The following NRXN2 variants were observed in gnomAD, a reference collection of about 807,000 sequenced individuals.
The protein encoded by NRXN2 is neurexin 2, also known as neurexin-2-beta.
Under a neutral mutation model 128.8 loss-of-function variants are expected in NRXN2, and 29 were observed. The ratio of observed to expected loss-of-function variants is 0.23; its 90% CI spans 0.17 to 0.31. The LOEUF (loss-of-function observed/expected upper bound fraction) is 0.31, where lower values mean the gene tolerates loss of function less well. Among genes scored for constraint, NRXN2 ranks in the 10% least tolerant of loss-of-function variants. The pLI, the probability that NRXN2 is intolerant of heterozygous loss-of-function variation, is 1.00. For missense variants in NRXN2, 1,881 were observed against 2,452.6 expected (o/e 0.77, Z 4.92); for synonymous variants, 1,098 against 1,075.2 (o/e 1.02, Z -0.41).
intron 7 of NRXN2, among the ~76,000 whole-genome samples, chr11:64,671,263 T>C (rs2050591219): frequency 6.6e-6 from 1 of 151,304 alleles, no homozygotes; most frequent in South Asian, 2.1e-4. Context: ...TAGAGGGAGA[T>C]AGTGGGGACG....
rs377351456 is a variant in NRXN2 at position 64,682,588 on chromosome 11, G to A, written c.1152+3058C>T. ...AGCTCCTGAAAGCCTCTGCACCAATGAGAGCAGTTATCCAAGCTGGGCAGG... is the reference window on the plus strand; with the variant it reads ...AGCTCCTGAAAGCCTCTGCACCAATAAGAGCAGTTATCCAAGCTGGGCAGG... On this transcript the variant is annotated intron_variant, in intron 6 of 22. Transcript: ENST00000265459. Among the ~76,000 whole-genome samples the A allele has an allele frequency of 2.0e-5, 3 of 152,248 alleles. No individual in the cohort carries two copies. In the East Asian group the frequency reaches 5.8e-4, roughly 29 times the overall value.
chr11:64,697,269 T>C (rs1216167030), intron 3 of NRXN2, among the ~76,000 whole-genome samples: 1 of 151,992 alleles, frequency 6.6e-6, no homozygotes, highest in Non-Finnish European at 1.5e-5. Context: ...TCCAACCCCC[T>C]ACTCTGCCAG....
Position 64,607,888 on chromosome 11 carries a change from C to T in NRXN2, c.4447G>A (p.Asp1483Asn), listed in dbSNP as rs2039922227. ...TCGATGGGCTCCTCGCAGTCGCTGT[C>T]GTCCCGCTCGGCCTGGCACGGGCCC... ...SGGPCQAERDDSDCEEPIEAS... is the reference protein window; with the variant it reads ...SGGPCQAERDNSDCEEPIEAS... The change falls in exon 23 of 23, where the codon GAC (aspartate) becomes AAC (asparagine). Residue 1483 changes from aspartate (D) to asparagine (N), a missense_variant. This residue lies in a region of NRXN2 where 310 missense variants were observed against 318.2 expected (regional missense o/e 0.97). Transcript: ENST00000265459. The T allele has an allele frequency of 1.9e-6, 3 of 1,576,486 alleles. No individual in the cohort carries two copies. The highest frequency in any genetic ancestry group is 2.3e-5 in the East Asian group (1 of 42,686).
intron 17 of NRXN2, among the ~76,000 whole-genome samples, chr11:64,642,361 T>C (rs2045819049): frequency 7.0e-6 from 1 of 142,992 alleles, no homozygotes; most frequent in African/African-American, 2.6e-5. Flanking sequence ...GAGGCAAGGG[T>C]GGGGCTGAGA....
At chr11:64,688,561 T>C in intron 5 of NRXN2, 1 of 985,262 alleles carries the variant, frequency 1.0e-6, no homozygotes, top group Non-Finnish European at 1.2e-6. Flanking sequence ...GAACAAGCCC[T>C]GAAGCACCAG....
intron 2 of NRXN2, among the ~76,000 whole-genome samples, chr11:64,712,359 T>C (rs1412340251): frequency 8.9e-6 from 1 of 112,316 alleles, no homozygotes; most frequent in Admixed American, 9.0e-5. Context: ...GAGGTCCTGC[T>C]CCCTGTTTCA....
intron 18 of NRXN2, among the ~76,000 whole-genome samples, chr11:64,634,264 A>G (rs564959263): frequency 7.2e-5 from 11 of 152,290 alleles, no homozygotes; most frequent in Non-Finnish European, 1.5e-4. Context: ...GCAGGGAAAC[A>G]AGGTGGCTGT....
At chr11:64,620,221 G>A in intron 22 of NRXN2, 73 bp downstream of exon 22, 1 of 1,232,570 alleles carries the variant, frequency 8.1e-7, no homozygotes, top group South Asian at 1.3e-5. Flanking sequence ...GGGCCAGGTG[G>A]CAGGGACAGT....
chr11:64,661,733 G>A (rs1251725137), intron 9 of NRXN2, among the ~76,000 whole-genome samples: 1 of 152,188 alleles, frequency 6.6e-6, no homozygotes, highest in African/African-American at 2.4e-5. Flanking sequence ...GAGGCTTGCA[G>A]AGACTGGGGA....
At chr11:64,705,380 G>C (rs2135641916) in intron 2 of NRXN2, among the ~76,000 whole-genome samples, 1 of 152,210 alleles carries the variant, frequency 6.6e-6, no homozygotes, top group Admixed American at 6.5e-5. Context: ...GTGATCATGA[G>C]GACTAAATGG....
intron 9 of NRXN2, among the ~76,000 whole-genome samples, chr11:64,662,577 C>T (rs980057889): frequency 6.6e-6 from 1 of 151,932 alleles, no homozygotes; most frequent in African/African-American, 2.4e-5. Flanking sequence ...GTCAGGAGAT[C>T]GAGACCATCC....
rs71579899 is a variant in NRXN2, at chr11:64,608,285, C to T, written c.4253-203G>A. ...GCAGCGGCTCAGATGCCCTGGGCACCCCACGCACGGGCTCTGTGACTCTCT... is the reference window on the plus strand; with the variant it reads ...GCAGCGGCTCAGATGCCCTGGGCACTCCACGCACGGGCTCTGTGACTCTCT... On this transcript the variant is annotated intron_variant, in intron 22 of 22. Transcript: ENST00000265459. Among the ~76,000 whole-genome samples, 3,557 of 152,256 alleles carry T rather than the reference C, an allele frequency of 0.023. 66 individuals carry two copies. The highest frequency in any genetic ancestry group is 0.035 in the Non-Finnish European group (2,402 of 68,004).
chr11:64,630,077 C>G lies in NRXN2; in HGVS notation c.3757+325G>C, dbSNP rs994672927. ...TTCCGCAATCGCATCAGATTCTCCT[C>G]ACCTCTACCCTCCCTCCACTTCTCC... is the stretch of plus-strand genomic sequence containing the variant. On this transcript the variant is annotated intron_variant, in intron 19 of 22. Coordinates refer to ENST00000265459, the MANE Select transcript of NRXN2 (RefSeq NM_015080.4). The surrounding 1 kb of genome is among the most constrained non-coding windows in gnomAD (Gnocchi z 4.6). Among the ~76,000 whole-genome samples, 29 of 152,174 alleles carry G rather than the reference C, an allele frequency of 1.9e-4. No homozygotes were observed. Among genetic ancestry groups the G allele is most frequent in the African/African-American group, 7.0e-4 (29 of 41,530 alleles).
chr11:64,702,968 C>T (rs1271851807), intron 2 of NRXN2, among the ~76,000 whole-genome samples: 2 of 116,908 alleles, frequency 1.7e-5, no homozygotes, highest in African/African-American at 6.5e-5. Context: ...CAGCCCAGGT[C>T]TCTAAAAAAA....
intron 19 of NRXN2, among the ~76,000 whole-genome samples, chr11:64,628,449 T>C (rs1310295294): frequency 6.6e-6 from 1 of 152,142 alleles, no homozygotes; most frequent in Non-Finnish European, 1.5e-5. Flanking sequence ...CCTCAGTATA[T>C]ACAGGCAACC....
rs748825840 is a variant in NRXN2, at chr11:64,660,585, G to A, written c.2186-50C>T. ...GGAAGGAGAAGACAGGCAGAGGCCA[G>A]GGGAGGGAGAAGACCAGAGAATCAT... On this transcript the variant is annotated intron_variant, in intron 10 of 22. Coordinates refer to ENST00000265459, the MANE Select transcript of NRXN2 (RefSeq NM_015080.4). This position sits in a 1 kb window ranked among gnomAD's most constrained non-coding sequence, Gnocchi z 5.2. 6.2e-7 allele frequency: 1 copy of A among 1,602,290 alleles called. No homozygotes were observed. The highest frequency in any genetic ancestry group is 8.5e-7 in the Non-Finnish European group (1 of 1,171,270).
In NRXN2 at chr11:64,607,930, G is replaced by A. The variant is rs1310999609; in HGVS notation, c.4405C>T (p.Arg1469Cys). ...CACGGGCCCCCAGAGGGCGGGCGGC[G>A]CGCGGCGGGCGGGGGCAGCGTGTCT... is the stretch of plus-strand genomic sequence containing the variant. ...TQDTLPPPAA[R>C]RPPSGGPCQA... Residue 1469 changes from arginine to cysteine, a missense_variant, in exon 23 of 23, where the codon CGC (arginine) becomes TGC (cysteine). Coordinates refer to ENST00000265459, the MANE Select transcript of NRXN2 (RefSeq NM_015080.4). 1 of 1,549,344 alleles carries A rather than the reference G, an allele frequency of 6.5e-7. No homozygotes were observed. Among genetic ancestry groups the A allele is most frequent in the African/African-American group, 1.4e-5 (1 of 73,420 alleles).
intron 11 of NRXN2, 126 bp from the exon 12 acceptor site, chr11:64,653,848 G>A (rs1330079357): frequency 1.1e-5 from 8 of 696,778 alleles, no homozygotes; most frequent in South Asian, 5.3e-5. Context: ...GCCACTTTCC[G>A]GGGACCACGC....
intron 19 of NRXN2, among the ~76,000 whole-genome samples, chr11:64,628,396 T>C (rs2043385214): frequency 6.6e-6 from 1 of 152,152 alleles, no homozygotes; most frequent in South Asian, 2.1e-4. Flanking sequence ...TCTGGGCCCA[T>C]GCATACTGAT....
Sources: gnomAD v4.1 joint callset for allele counts (sites outside exome capture counted in the v4.1 genomes callset) on GRCh38, gnomAD v4.1.1 for gene constraint, gnomAD v4.1.1 regional missense constraint, Gnocchi (gnomAD v3.1) non-coding constraint, MANE v1.5 for transcripts, NCBI Gene and HGNC (gene_info 2026-07-23, HGNC 2026-07-21) for gene names.